SLAMF6: variants seen among roughly 807,000 people sequenced by gnomAD.
SLAMF6 encodes NK-T-B-antigen.
In SLAMF6, 21 loss-of-function variants were observed where a neutral mutation model predicts 38.3. The observed-to-expected ratio is 0.55, with a 90% CI of 0.39 to 0.79. SLAMF6 has a LOEUF of 0.79. SLAMF6 is among the 30% of genes least tolerant of loss of function. The probability of loss-of-function intolerance (pLI) is 0.00; values close to 1 mark genes in which losing one functional copy is unlikely to be tolerated. For missense variants in SLAMF6, 341 were observed against 385.3 expected, an observed-to-expected ratio of 0.89 and a Z score of 0.96; for synonymous variants, 152 against 146.3, an observed-to-expected ratio of 1.04 and a Z score of -0.28.
At chr1:160,512,917 A>G (rs867661408) in intron 1 of SLAMF6, among the ~76,000 whole-genome samples, 23 of 152,162 alleles carry the variant, frequency 1.5e-4, no homozygotes, top group African/African-American at 5.1e-4. Context: ...AAGAATCAAT[A>G]AAAAATGCTG....
intron 1 of SLAMF6, among the ~76,000 whole-genome samples, chr1:160,513,142 A>C (rs543908621): frequency 5.9e-5 from 9 of 152,340 alleles, no homozygotes; most frequent in Admixed American, 4.6e-4. Context: ...GCTATTCATC[A>C]GAATAACCAG....
At chr1:160,518,636 C>T (rs1654853290) in intron 1 of SLAMF6, among the ~76,000 whole-genome samples, 1 of 152,000 alleles carries the variant, frequency 6.6e-6, no homozygotes, top group South Asian at 2.1e-4. Flanking sequence ...ATGGATGAAG[C>T]CAGAAGCCAT....
intron 1 of SLAMF6, among the ~76,000 whole-genome samples, chr1:160,509,595 T>A (rs555685478): frequency 4.8e-4 from 73 of 152,200 alleles, no homozygotes; most frequent in African/African-American, 1.7e-3. Flanking sequence ...ATGGCACATA[T>A]ATACCTATGT....
Position 160,486,695 on chromosome 1 carries a change from C to A in SLAMF6, c.*12G>T. 1 of 1,613,356 alleles carries A rather than the reference C, an allele frequency of 6.2e-7. No individual in the cohort carries two copies. Among genetic ancestry groups the A allele is most frequent in the Non-Finnish European group, 8.5e-7 (1 of 1,179,438 alleles). On this transcript the variant is annotated 3_prime_UTR_variant, in exon 8 of 8. Coordinates refer to ENST00000368057, the MANE Select transcript of SLAMF6 (RefSeq NM_001184714.2). ...GTGTCATTCCCGAATTCCTCTGAGG[C>A]CTTTCAGCAACTTACACGACATTGT...
intron 1 of SLAMF6, among the ~76,000 whole-genome samples, chr1:160,522,048 T>C (rs1655007324): frequency 6.6e-6 from 1 of 152,208 alleles, no homozygotes; most frequent in African/African-American, 2.4e-5. Context: ...AATGAATATT[T>C]ATTCCTTTCT....
intron 1 of SLAMF6, among the ~76,000 whole-genome samples, chr1:160,500,499 A>C (rs1653826897): frequency 1.3e-5 from 2 of 152,118 alleles, no homozygotes; most frequent in African/African-American, 4.8e-5. Context: ...ATTCCTGCTC[A>C]GAGAATTTAA....
intron 1 of SLAMF6, among the ~76,000 whole-genome samples, chr1:160,513,213 T>G (rs1195906879): frequency 6.6e-6 from 1 of 151,980 alleles, no homozygotes; most frequent in Non-Finnish European, 1.5e-5. Context: ...AACATCACAA[T>G]GCAATCATAA....
intron 1 of SLAMF6, among the ~76,000 whole-genome samples, chr1:160,515,481 G>A (rs1654693550): frequency 6.6e-6 from 1 of 152,180 alleles, no homozygotes. Flanking sequence ...AATTGAAAAG[G>A]AGGGACCCTT....
At chr1:160,510,996 A>G (rs551361878) in intron 1 of SLAMF6, among the ~76,000 whole-genome samples, 1 of 152,324 alleles carries the variant, frequency 6.6e-6, no homozygotes, top group East Asian at 1.9e-4. Context: ...GTAGCATTCA[A>G]AAGAACAAAA....
Position 160,499,987 on chromosome 1 carries a change from A to T in SLAMF6, c.50-3594T>A, listed in dbSNP as rs537899761. On this transcript the variant is annotated intron_variant, in intron 1 of 7. Coordinates refer to ENST00000368057, the MANE Select transcript of SLAMF6 (RefSeq NM_001184714.2). ...AATGTCCAGATACCAGAGAATACAA[A>T]TATATGATTCTATTTATTTAAAGTT... Among the ~76,000 whole-genome samples, 119 of 152,338 alleles carry T rather than the reference A, an allele frequency of 7.8e-4. 1 individual carries two copies. The highest frequency in any genetic ancestry group is 2.6e-3 in the African/African-American group (108 of 41,564).
chr1:160,497,852 A>T (rs1465685791), intron 1 of SLAMF6, among the ~76,000 whole-genome samples: 1 of 152,134 alleles, frequency 6.6e-6, no homozygotes, highest in Admixed American at 6.6e-5. Context: ...TGGTGTATAT[A>T]TACCAAATTT....
At position 160,522,992 on chromosome 1, in the gene SLAMF6, G is replaced by A. The variant is rs188011177; in HGVS notation, c.49+152C>T. 1.4e-4 allele frequency: 100 copies of A among 712,008 alleles called. No individual in the cohort carries two copies. The African/African-American group carries it at 1.7e-3, about 12-fold the overall frequency. The allele number at this position is 712,008 out of a possible 1,614,324, so 44.1% of individuals were successfully genotyped here. A position where few individuals can be genotyped will look rare whatever the true frequency, so the allele number is the denominator to read the frequency against. On this transcript the variant is annotated intron_variant, in intron 1 of 7. Transcript: ENST00000368057. Reference sequence around the variant, plus strand: ...TCGCATCCAAAGTTGAGAGGAGGTAGTAGTATATCAGGTAACACTGCCAGC... The same window carrying A: ...TCGCATCCAAAGTTGAGAGGAGGTAATAGTATATCAGGTAACACTGCCAGC...
At chr1:160,501,698 C>CT (rs11324483) in intron 1 of SLAMF6, among the ~76,000 whole-genome samples, 35,142 of 138,506 alleles carry the variant, frequency 0.25, 4,997 homozygotes, top group Middle Eastern at 0.4. Context: ...TAATGCCTTG[C>CT]TTTTTTTTTT....
chr1:160,516,430 G>T (rs529012099), intron 1 of SLAMF6, among the ~76,000 whole-genome samples: 1 of 151,978 alleles, frequency 6.6e-6, no homozygotes, highest in South Asian at 2.1e-4. Context: ...CATACTGCCC[G>T]AAGTAATTAA....
chr1:160,522,097 A>C (rs932451586), intron 1 of SLAMF6, among the ~76,000 whole-genome samples: 8 of 152,120 alleles, frequency 5.3e-5, no homozygotes, highest in Admixed American at 3.3e-4. Context: ...CTCCATATTG[A>C]TGGGATCTCT....
chr1:160,514,260 A>G (rs1455467724), intron 1 of SLAMF6, among the ~76,000 whole-genome samples: 2 of 152,214 alleles, frequency 1.3e-5, no homozygotes, highest in African/African-American at 2.4e-5. Flanking sequence ...AAAGACCAAA[A>G]AAGACAAAGA....
chr1:160,522,695 T>G (rs898535429), intron 1 of SLAMF6, among the ~76,000 whole-genome samples: 4 of 152,100 alleles, frequency 2.6e-5, no homozygotes, highest in African/African-American at 9.6e-5. Context: ...CCCAGAAAAT[T>G]TGGCTCAACT....
Position 160,486,661 on chromosome 1 carries a change from T to A in SLAMF6, c.*46A>T. 6.4e-7 allele frequency: 1 copy of A among 1,555,192 alleles called. No individual in the cohort carries two copies. On this transcript the variant is annotated 3_prime_UTR_variant, in exon 8 of 8. Coordinates refer to ENST00000368057, the MANE Select transcript of SLAMF6 (RefSeq NM_001184714.2). The stretch of plus-strand genomic sequence containing the variant: ...CTGTTCTTTGTTCTGTCTCATGGGA[T>A]CAGAAGACGTGTCATTCCCGAATTC...
chr1:160,488,660 C>A (rs1049184384), intron 6 of SLAMF6, among the ~76,000 whole-genome samples: 2 of 152,136 alleles, frequency 1.3e-5, no homozygotes, highest in Admixed American at 6.6e-5. Context: ...TCCCCTAAGA[C>A]CCCTACATGC....
Sources: allele counts gnomAD v4.1 joint callset (sites outside exome capture counted in the v4.1 genomes callset), GRCh38; gene constraint gnomAD v4.1.1; transcripts MANE v1.5; gene names NCBI Gene and HGNC (gene_info 2026-07-23, HGNC 2026-07-21).